Variants in C17orf107 observed in about 807,000 individuals in gnomAD.
C17orf107 encodes chromosome 17 open reading frame 107.
Under a neutral mutation model 8.9 loss-of-function variants are expected in C17orf107, and 9 were observed. The observed-to-expected ratio is 1.02, with a 90% CI of 0.61 to 1.77. The LOEUF (loss-of-function observed/expected upper bound fraction) is 1.77, where lower values mean the gene tolerates loss of function less well. C17orf107 is among the 40% of genes most tolerant of loss of function. The pLI is 0.00. For missense variants in C17orf107, 281 were observed against 249.0 expected (o/e 1.13, Z -0.86); for synonymous variants, 139 against 120.3 (o/e 1.16, Z -1.02).
At position 4,900,374 on chromosome 17, in the gene C17orf107, T is replaced by A; in HGVS notation, c.414T>A (p.Ala138=). The A allele has an allele frequency of 6.5e-7, 1 of 1,549,566 alleles. No homozygotes were observed. Among genetic ancestry groups the A allele is most frequent in the Admixed American group, 2.0e-5 (1 of 50,990 alleles). The change falls in exon 3 of 3, where the codon GCT becomes GCA. Residue 138 remains alanine (A), a synonymous_variant. Coordinates refer to ENST00000381365, the MANE Select transcript of C17orf107 (RefSeq NM_001145536.2). ...GGCAGGGGGTTCGGCAAGCTGGGGC[T>A]GCGGTGGGCGCCAGCGCCCGGCTCC... ...AAGQGVRQAG[A]AVGASARLLV...
At position 4,899,596 on chromosome 17, in the gene C17orf107, A is replaced by G. The variant is rs375376258; in HGVS notation, c.-167A>G. ...AAAATAAGGAACCTGAGGAGCCCGG[A>G]AGGCATGACATCACCGTTCCTCCTC... On this transcript the variant is annotated 5_prime_UTR_variant, in exon 1 of 3. Transcript: ENST00000381365. 3,392 of 1,544,984 alleles carry G rather than the reference A, an allele frequency of 2.2e-3. 7 individuals are homozygous for G. The highest frequency in any genetic ancestry group is 2.8e-3 in the Non-Finnish European group (3,184 of 1,136,596).
rs1413407116 is a variant in C17orf107 at position 4,902,454 on chromosome 17, C to G, written c.*1921C>G. 6.2e-7 allele frequency: 1 copy of G among 1,614,194 alleles called. No individual in the cohort carries two copies. ...CATTCCCCAGATTTGACTCACGATTCCAATCCAGACGCTAGTGGTGAGAGT... is the reference window on the plus strand; with the variant it reads ...CATTCCCCAGATTTGACTCACGATTGCAATCCAGACGCTAGTGGTGAGAGT... On this transcript the variant is annotated 3_prime_UTR_variant, in exon 3 of 3. Transcript: ENST00000381365. This position sits in a 1 kb window ranked among gnomAD's most constrained non-coding sequence, Gnocchi z 4.0.
chr17:4,903,540 C>T (rs575182874), downstream of C17orf107, among the ~76,000 whole-genome samples: 30 of 152,258 alleles, frequency 2.0e-4, no homozygotes, highest in African/African-American at 5.3e-4. Flanking sequence ...CCTTTCTTGC[C>T]GACAGAGTGG....
At chr17:4,903,215 AT>A, downstream of C17orf107, 1 of 796,900 alleles carries the variant, frequency 1.3e-6, no homozygotes, top group African/African-American at 1.7e-5. Flanking sequence ...AGCTGGGGAC[AT>A]TTTGGCTGCT....
chr17:4,902,026 C>G lies in C17orf107; in HGVS notation c.*1493C>G. The G allele has an allele frequency of 3.7e-6, 6 of 1,614,108 alleles. No homozygotes were observed. Among genetic ancestry groups the G allele is most frequent in the South Asian group, 2.2e-5 (2 of 91,082 alleles). The stretch of plus-strand genomic sequence containing the variant: ...TAGATGGCCGGAGGCAGCCACGTCA[C>G]GGAGCCGCCCTCGTAGACGAGCACG... On this transcript the variant is annotated 3_prime_UTR_variant, in exon 3 of 3. Transcript: ENST00000381365. This position sits in a 1 kb window ranked among gnomAD's most constrained non-coding sequence, Gnocchi z 4.0.
At position 4,901,087 on chromosome 17, in the gene C17orf107, G is replaced by A. The variant is rs748765369; in HGVS notation, c.*554G>A. ...CGTAGAAGAGCGGCTTCCGGCGGAT[G>A]ATGAGCGAGTAGATGACGTCAGTCT... is the stretch of plus-strand genomic sequence containing the variant. On this transcript the variant is annotated 3_prime_UTR_variant, in exon 3 of 3. Coordinates refer to ENST00000381365, the MANE Select transcript of C17orf107 (RefSeq NM_001145536.2). The A allele has an allele frequency of 1.9e-6, 3 of 1,613,848 alleles. No individual in the cohort carries two copies. Among genetic ancestry groups the A allele is most frequent in the Non-Finnish European group, 1.7e-6 (2 of 1,179,982 alleles).
chr17:4,900,489 G>C lies in C17orf107; in HGVS notation c.529G>C (p.Gly177Arg). 6.4e-7 allele frequency: 1 copy of C among 1,551,042 alleles called. No homozygotes were observed. The highest frequency in any genetic ancestry group is 8.7e-7 in the Non-Finnish European group (1 of 1,147,000). The stretch of plus-strand genomic sequence containing the variant: ...ACAGTCGCAACAGCAGCTAGGCCTC[G>C]GAATCCCCGGAGAACCGGTGAGCTC... ...LRQSQQQLGLGIPGEPVSSGH... is the reference protein window; with the variant it reads ...LRQSQQQLGLRIPGEPVSSGH... Residue 177 changes from glycine to arginine, a missense_variant, in exon 3 of 3, where the codon GGA (glycine) becomes CGA (arginine). By Grantham distance (125) the Gly-to-Arg change is moderately radical. Coordinates refer to ENST00000381365, the MANE Select transcript of C17orf107 (RefSeq NM_001145536.2).
At chr17:4,905,069 G>A (rs2151100322), downstream of C17orf107, among the ~76,000 whole-genome samples, 2 of 152,312 alleles carry the variant, frequency 1.3e-5, no homozygotes, top group South Asian at 4.1e-4. Context: ...AACATCAGTG[G>A]ACACCTACAA....
chr17:4,904,878 G>A (rs1970072137), downstream of C17orf107, among the ~76,000 whole-genome samples: 1 of 152,154 alleles, frequency 6.6e-6, no homozygotes, highest in Non-Finnish European at 1.5e-5. Flanking sequence ...TGTTTCCACT[G>A]CTGCCTTATC....
In C17orf107 at chr17:4,902,527, G is replaced by A; in HGVS notation, c.*1994G>A. On this transcript the variant is annotated 3_prime_UTR_variant, in exon 3 of 3. Coordinates refer to ENST00000381365, the MANE Select transcript of C17orf107 (RefSeq NM_001145536.2). The surrounding 1 kb of genome is among the most constrained non-coding windows in gnomAD (Gnocchi z 4.0). ...TGGGAGATGGGGATGATTGAAGTGA[G>A]ATTTCAGGGCCAGAAGTGAGCTTTA... 6.2e-7 allele frequency: 1 copy of A among 1,614,196 alleles called. No individual in the cohort carries two copies. The highest frequency in any genetic ancestry group is 8.5e-7 in the Non-Finnish European group (1 of 1,180,036).
rs1970026437 is a variant in C17orf107 at position 4,902,513 on chromosome 17, G to T, written c.*1980G>T. On this transcript the variant is annotated 3_prime_UTR_variant, in exon 3 of 3. Coordinates refer to ENST00000381365, the MANE Select transcript of C17orf107 (RefSeq NM_001145536.2). This position sits in a 1 kb window ranked among gnomAD's most constrained non-coding sequence, Gnocchi z 4.0. ...TTTCATTCTGCAGATGGGAGATGGG[G>T]ATGATTGAAGTGAGATTTCAGGGCC... The T allele has an allele frequency of 6.2e-7, 1 of 1,614,174 alleles. No homozygotes were observed. Among genetic ancestry groups the T allele is most frequent in the East Asian group, 2.2e-5 (1 of 44,884 alleles).
At position 4,899,617 on chromosome 17, in the gene C17orf107, T is replaced by G. The variant is rs1441461422; in HGVS notation, c.-146T>G. On this transcript the variant is annotated 5_prime_UTR_variant, in exon 1 of 3. Transcript: ENST00000381365. ...CCGGAAGGCATGACATCACCGTTCCTCCTCCCAGCTACCGAAGGCGCCGCG... is the reference window on the plus strand; with the variant it reads ...CCGGAAGGCATGACATCACCGTTCCGCCTCCCAGCTACCGAAGGCGCCGCG... The G allele has an allele frequency of 3.3e-6, 5 of 1,506,858 alleles. No homozygotes were observed. The allele number at this position is 1,506,858 out of a possible 1,614,324, so 93.3% of individuals were successfully genotyped here. A position where few individuals can be genotyped will look rare whatever the true frequency, so the allele number is the denominator to read the frequency against.
rs763019934 is a variant in C17orf107, at chr17:4,900,128, G to A, written c.259G>A (p.Gly87Ser). ...REATASLVSF[G>S]TTLLEISALW... ...AGCCACAGCCAGCCTCGTGAGCTTC[G>A]GCACCACCTTGTTAGAGGTGGGGTA... Residue 87 changes from glycine (G) to serine (S), a missense_variant, in exon 2 of 3, where the codon GGC (glycine) becomes AGC (serine). By Grantham distance (56) the Gly-to-Ser change is moderately conservative. Coordinates refer to ENST00000381365, the MANE Select transcript of C17orf107 (RefSeq NM_001145536.2). 87 of 1,550,412 alleles carry A rather than the reference G, an allele frequency of 5.6e-5. No individual in the cohort carries two copies. The highest frequency in any genetic ancestry group is 5.0e-4 in the Middle Eastern group (3 of 5,984).
In C17orf107 at chr17:4,901,360, G is replaced by A. The variant is rs1422667785; in HGVS notation, c.*827G>A. 2 of 941,692 alleles carry A rather than the reference G, an allele frequency of 2.1e-6. No individual in the cohort carries two copies. Among genetic ancestry groups the A allele is most frequent in the African/African-American group, 3.2e-5 (2 of 61,630 alleles). The allele number at this position is 941,692 out of a possible 1,614,324, so 58.3% of individuals were successfully genotyped here. ...CGTTGAGGGTATGGAAAGCCAGAAG[G>A]CAGGACTAGAGTAACAATCGAGAAT... On this transcript the variant is annotated 3_prime_UTR_variant, in exon 3 of 3. Coordinates refer to ENST00000381365, the MANE Select transcript of C17orf107 (RefSeq NM_001145536.2).
rs1454448823 is a variant in C17orf107, at chr17:4,900,579, C to T, written c.*46C>T. 7.1e-6 allele frequency: 11 copies of T among 1,548,088 alleles called. No homozygotes were observed. The highest frequency in any genetic ancestry group is 9.6e-6 in the Non-Finnish European group (11 of 1,145,640). ...AGGGAGGCACTGAGCCGGACTGTCCCCCAAGAGAGCTACTCGGGAGACCTC... is the reference window on the plus strand; with the variant it reads ...AGGGAGGCACTGAGCCGGACTGTCCTCCAAGAGAGCTACTCGGGAGACCTC... On this transcript the variant is annotated 3_prime_UTR_variant, in exon 3 of 3. Coordinates refer to ENST00000381365, the MANE Select transcript of C17orf107 (RefSeq NM_001145536.2).
downstream of C17orf107, among the ~76,000 whole-genome samples, chr17:4,906,028 T>TC (rs1274861030): frequency 6.6e-6 from 1 of 152,166 alleles, no homozygotes; most frequent in Non-Finnish European, 1.5e-5. Context: ...CACTGCCCAT[T>TC]CCCCCTACTT....
At position 4,899,813 on chromosome 17, in the gene C17orf107, C is replaced by T. The variant is rs745578004; in HGVS notation, c.51C>T (p.Phe17=). The T allele has an allele frequency of 2.6e-6, 4 of 1,551,240 alleles. No homozygotes were observed. The South Asian group carries it at 4.8e-5, about 18-fold the overall frequency. Residue 17 remains phenylalanine (F), a synonymous_variant, in exon 1 of 3, where the codon TTC becomes TTT. Coordinates refer to ENST00000381365, the MANE Select transcript of C17orf107 (RefSeq NM_001145536.2). ...SLDTLMWIYH[F]HSSTEVALQP... ...ACACCCTGATGTGGATCTACCACTT[C>T]CACAGCTCCACCGAGGTGAGGCTAC...
rs1187421976 is a variant in C17orf107, at chr17:4,902,071, C to T, written c.*1538C>T. 4.3e-6 allele frequency: 7 copies of T among 1,614,044 alleles called. No homozygotes were observed. The South Asian group carries it at 7.7e-5, about 18-fold the overall frequency. ...AGCACGTTGGCGTCGTAGGCCACTC[C>T]GAACTGGCCATCAATACTGTGGGCT... On this transcript the variant is annotated 3_prime_UTR_variant, in exon 3 of 3. Transcript: ENST00000381365. This position sits in a 1 kb window ranked among gnomAD's most constrained non-coding sequence, Gnocchi z 4.0.
Position 4,900,026 on chromosome 17 carries a change from T to A in C17orf107, c.157T>A (p.Ser53Thr). Residue 53 changes from serine (S) to threonine (T), a missense_variant, in exon 2 of 3, where the codon TCC (serine) becomes ACC (threonine). Ser to Thr is a moderately conservative substitution (Grantham distance 58, BLOSUM62 1). Coordinates refer to ENST00000381365, the MANE Select transcript of C17orf107 (RefSeq NM_001145536.2). Reference sequence around the variant, plus strand: ...GGAGCAGAGGTTCAGAGAGCTGAAGTCCCTGGAGCCACCCGAACCGAAGAT... The same window carrying A: ...GGAGCAGAGGTTCAGAGAGCTGAAGACCCTGGAGCCACCCGAACCGAAGAT... ...YLEQRFRELK[S>T]LEPPEPKMQG... 6.4e-7 allele frequency: 1 copy of A among 1,551,444 alleles called. No homozygotes were observed.
Sources: gnomAD v4.1 joint callset for allele counts (sites outside exome capture counted in the v4.1 genomes callset) on GRCh38, gnomAD v4.1.1 for gene constraint, Gnocchi (gnomAD v3.1) non-coding constraint, MANE v1.5 for transcripts, NCBI Gene and HGNC (gene_info 2026-07-23, HGNC 2026-07-21) for gene names.